The following GFOD1 variants were observed in gnomAD, a reference collection of about 807,000 sequenced individuals.
The protein encoded by GFOD1 is glucose-fructose oxidoreductase domain-containing protein 1.
Under a neutral mutation model 25.4 loss-of-function variants are expected in GFOD1, and 9 were observed. That is an observed-to-expected ratio of 0.35 (90% CI 0.21 to 0.62). The LOEUF (loss-of-function observed/expected upper bound fraction) is 0.62. Among genes scored for constraint, GFOD1 ranks in the 20% least tolerant of loss-of-function variants. GFOD1 has a pLI of 0.72. For synonymous variants in GFOD1, 253 were observed against 245.6 expected, an observed-to-expected ratio of 1.03 and a Z score of -0.28; for missense variants, 403 against 556.9, an observed-to-expected ratio of 0.72 and a Z score of 2.78.
At chr6:13,428,267 C>T (rs893631961) in intron 1 of GFOD1, among the ~76,000 whole-genome samples, 1 of 152,236 alleles carries the variant, frequency 6.6e-6, no homozygotes, top group Admixed American at 6.5e-5. Flanking sequence ...GCCTCTCAAG[C>T]CCATGCTGAA....
chr6:13,375,575 C>A (rs1301890115), intron 1 of GFOD1, among the ~76,000 whole-genome samples: 1 of 152,162 alleles, frequency 6.6e-6, no homozygotes, highest in Non-Finnish European at 1.5e-5. Context: ...TATCAGTGGG[C>A]TTGGAAAGAG....
chr6:13,443,736 G>T (rs1399652746), intron 1 of GFOD1, among the ~76,000 whole-genome samples: 1 of 150,086 alleles, frequency 6.7e-6, no homozygotes, highest in Non-Finnish European at 1.5e-5. Flanking sequence ...GAATTGCTTG[G>T]ACCCAGGAGG....
At chr6:13,475,202 A>T (rs1238062849) in intron 1 of GFOD1, among the ~76,000 whole-genome samples, 1 of 152,228 alleles carries the variant, frequency 6.6e-6, no homozygotes, top group Non-Finnish European at 1.5e-5. Context: ...GTTCAACATC[A>T]TTAATTATTA....
intron 1 of GFOD1, among the ~76,000 whole-genome samples, chr6:13,411,714 A>C (rs1786082168): frequency 6.6e-6 from 1 of 152,198 alleles, no homozygotes; most frequent in Non-Finnish European, 1.5e-5. Flanking sequence ...CCTGCCATCC[A>C]GTCTGTGATA....
rs1321014453 is a variant in GFOD1 at position 13,365,997 on chromosome 6, A to G, written c.254-335T>C. Among the ~76,000 whole-genome samples the G allele has an allele frequency of 6.6e-6, 1 of 151,158 alleles. No individual in the cohort carries two copies. Among genetic ancestry groups the G allele is most frequent in the East Asian group, 1.9e-4 (1 of 5,142 alleles). The stretch of plus-strand genomic sequence containing the variant: ...CGAAGTGGGAGGATCACTTGAGCCC[A>G]GGAGGTTGAGGCTGCAGTGAGCTAT... On this transcript the variant is annotated intron_variant, in intron 1 of 1. Transcript: ENST00000379287. This position sits in a 1 kb window ranked among gnomAD's most constrained non-coding sequence, Gnocchi z 9.2.
chr6:13,386,097 T>C (rs1039154473), intron 1 of GFOD1, among the ~76,000 whole-genome samples: 1 of 150,948 alleles, frequency 6.6e-6, no homozygotes, highest in African/African-American at 2.4e-5. Context: ...GTTTTGCTCT[T>C]GTTGCCCAGG....
Position 13,469,767 on chromosome 6 carries a change from T to C in GFOD1, c.253+16871A>G, listed in dbSNP as rs1017879780. 1.4e-5 allele frequency: 16 copies of C among 1,143,872 alleles called. No individual in the cohort carries two copies. The Admixed American group carries it at 5.6e-4, about 40-fold the overall frequency. The allele number at this position is 1,143,872 out of a possible 1,614,324, so 70.9% of individuals were successfully genotyped here. A position where few individuals can be genotyped will look rare whatever the true frequency, so the allele number is the denominator to read the frequency against. On this transcript the variant is annotated intron_variant, in intron 1 of 1. Coordinates refer to ENST00000379287, the MANE Select transcript of GFOD1 (RefSeq NM_018988.4). ...TACATGTCACAGAATCAATGACACA[T>C]GATATTTAACCTCTCTACAGTGAAA...
rs1784938659 is a variant in GFOD1 at position 13,361,028 on chromosome 6, T to C, written c.*3715A>G. The C allele has an allele frequency of 1.9e-5, 7 of 363,068 alleles. No homozygotes were observed. The highest frequency in any genetic ancestry group is 1.2e-4 in the South Asian group (6 of 49,018). 22.5% of individuals were successfully genotyped at this position (363,068 alleles called of 1,614,324 possible). ...AAAGAAATAGCAATACCCAACACTA[T>C]AGGGTTGTTTTTATGGATTGTATGA... is the stretch of plus-strand genomic sequence containing the variant. On this transcript the variant is annotated 3_prime_UTR_variant, in exon 2 of 2. Coordinates refer to ENST00000379287, the MANE Select transcript of GFOD1 (RefSeq NM_018988.4).
intron 1 of GFOD1, among the ~76,000 whole-genome samples, chr6:13,477,189 T>A (rs911357978): frequency 6.8e-6 from 1 of 147,458 alleles, no homozygotes; most frequent in Non-Finnish European, 1.5e-5. Flanking sequence ...TTAGTCAGGG[T>A]TCACCAGAGA....
intron 1 of GFOD1, chr6:13,469,817 C>T (rs925713573): frequency 7.2e-6 from 8 of 1,104,022 alleles, no homozygotes; most frequent in Non-Finnish European, 9.7e-6. Context: ...GATGGAGATG[C>T]TAAATGTCCA....
intron 1 of GFOD1, among the ~76,000 whole-genome samples, chr6:13,474,035 G>A (rs1406959284): frequency 6.6e-6 from 1 of 152,224 alleles, no homozygotes; most frequent in Non-Finnish European, 1.5e-5. Flanking sequence ...CCCTTGTGCT[G>A]CAAGTGTCTC....
At chr6:13,476,154 A>G (rs1210911308) in intron 1 of GFOD1, among the ~76,000 whole-genome samples, 2 of 152,260 alleles carry the variant, frequency 1.3e-5, no homozygotes, top group Non-Finnish European at 2.9e-5. Context: ...TGTTCACAGC[A>G]GCATTATTCA....
Position 13,486,998 on chromosome 6 carries a change from C to T in GFOD1, c.-108G>A. ...ACCCCGCTCCTGTAGCCAATCTAGC[C>T]GCGGTGCGCCAGCCGCCGTGCACCG... On this transcript the variant is annotated 5_prime_UTR_variant, in exon 1 of 2. Transcript: ENST00000379287. The T allele has an allele frequency of 7.3e-7, 1 of 1,368,178 alleles. No homozygotes were observed. The highest frequency in any genetic ancestry group is 9.8e-7 in the Non-Finnish European group (1 of 1,021,080). The allele number at this position is 1,368,178 out of a possible 1,614,324, so 84.8% of individuals were successfully genotyped here. A position where few individuals can be genotyped will look rare whatever the true frequency, so the allele number is the denominator to read the frequency against.
rs184384692 is a variant in GFOD1 at position 13,360,719 on chromosome 6, T to C, written c.*4024A>G. On this transcript the variant is annotated 3_prime_UTR_variant, in exon 2 of 2. Transcript: ENST00000379287. ...AGCCTCCTGGCAGAACATCAGATGT[T>C]GCATCCTGCTGAACAGGAGGGTGCT... The C allele has an allele frequency of 1.4e-4, 64 of 456,788 alleles. No individual in the cohort carries two copies. Among genetic ancestry groups the C allele is most frequent in the African/African-American group, 8.0e-4 (40 of 50,212 alleles). The allele number at this position is 456,788 out of a possible 1,614,324, so 28.3% of individuals were successfully genotyped here. A position where few individuals can be genotyped will look rare whatever the true frequency, so the allele number is the denominator to read the frequency against.
At position 13,372,941 on chromosome 6, in the gene GFOD1, C is replaced by G. The variant is rs192873996; in HGVS notation, c.254-7279G>C. On this transcript the variant is annotated intron_variant, in intron 1 of 1. Transcript: ENST00000379287. Reference sequence around the variant, plus strand: ...GCAGGCTGGCTTGCAGCTGTCCCAGCAGATTGGCAGAGCCCCCAAAAGAAG... The same window carrying G: ...GCAGGCTGGCTTGCAGCTGTCCCAGGAGATTGGCAGAGCCCCCAAAAGAAG... Among the ~76,000 whole-genome samples the G allele has an allele frequency of 9.2e-5, 14 of 152,358 alleles. 1 individual carries two copies. The highest frequency in any genetic ancestry group is 3.1e-4 in the African/African-American group (13 of 41,578).
chr6:13,357,863 T>C lies in GFOD1; in HGVS notation c.*6880A>G, dbSNP rs576506619. 1 of 152,444 alleles carries C rather than the reference T, an allele frequency of 6.6e-6. No homozygotes were observed. Among genetic ancestry groups the C allele is most frequent in the East Asian group, 1.9e-4 (1 of 5,192 alleles). 9.4% of individuals were successfully genotyped at this position (152,444 alleles called of 1,614,324 possible). ...TCTTTTAAATCTTTATTTATCCTTTTCATTCCTTTATCCCACCAATGCAAA... is the reference window on the plus strand; with the variant it reads ...TCTTTTAAATCTTTATTTATCCTTTCCATTCCTTTATCCCACCAATGCAAA... On this transcript the variant is annotated 3_prime_UTR_variant, in exon 2 of 2. Coordinates refer to ENST00000379287, the MANE Select transcript of GFOD1 (RefSeq NM_018988.4).
intron 1 of GFOD1, among the ~76,000 whole-genome samples, chr6:13,385,907 C>T (rs992150582): frequency 1.3e-5 from 2 of 152,108 alleles, no homozygotes; most frequent in East Asian, 3.9e-4. Context: ...CAAAAAAGTA[C>T]TCAGCACAGA....
At chr6:13,384,044 T>A (rs759956385) in intron 1 of GFOD1, among the ~76,000 whole-genome samples, 2 of 152,130 alleles carry the variant, frequency 1.3e-5, no homozygotes, top group Admixed American at 6.5e-5. Flanking sequence ...CTGGCCAACA[T>A]GGCAAAACTC....
intron 1 of GFOD1, among the ~76,000 whole-genome samples, chr6:13,435,486 C>T (rs1190898893): frequency 6.6e-6 from 1 of 152,148 alleles, no homozygotes; most frequent in Non-Finnish European, 1.5e-5. Context: ...TTTTCCTGTA[C>T]TAGACTGTTA....
Sources: allele counts gnomAD v4.1 joint callset (sites outside exome capture counted in the v4.1 genomes callset), GRCh38; gene constraint gnomAD v4.1.1; non-coding constraint Gnocchi (gnomAD v3.1); transcripts MANE v1.5; gene names NCBI Gene and HGNC (gene_info 2026-07-23, HGNC 2026-07-21).